The following DTNB variants were observed in gnomAD, a reference collection of about 807,000 sequenced individuals.
DTNB encodes DTN-B.
A neutral mutation model predicts 90.7 loss-of-function variants in DTNB; 63 were observed. The observed-to-expected ratio is 0.69, with a 90% CI of 0.57 to 0.86. The LOEUF is 0.86. DTNB is among the 40% of genes least tolerant of loss of function. The pLI, the probability that DTNB is intolerant of heterozygous loss-of-function variation, is 0.00. For missense variants in DTNB, 744 were observed against 807.1 expected (o/e 0.92, Z 0.95); for synonymous variants, 277 against 286.7 (o/e 0.97, Z 0.34).
At chr2:25,414,088 G>T (rs534185207) in intron 16 of DTNB, among the ~76,000 whole-genome samples, 1 of 152,200 alleles carries the variant, frequency 6.6e-6, no homozygotes, top group African/African-American at 2.4e-5. Context: ...CTTTAGAGAA[G>T]TGTCTGTTCA....
Position 25,419,446 on chromosome 2 carries a change from ATTT to A in DTNB, c.1575+66_1575+68del, listed in dbSNP as rs931433811. ...GATGTGCGGGGAGAAGAGGAGAAAC[ATTT>A]ATATGAGGAAAGGAAGAACGTGCAA... On this transcript the variant is annotated intron_variant, in intron 16 of 20. Transcript: ENST00000406818. 27 of 1,551,314 alleles carry A rather than the reference ATTT, an allele frequency of 1.7e-5. No individual in the cohort carries two copies. In the African/African-American group the frequency reaches 3.0e-4, roughly 17 times the overall value.
At chr2:25,435,217 C>T (rs969044604) in intron 12 of DTNB, among the ~76,000 whole-genome samples, 3 of 152,174 alleles carry the variant, frequency 2.0e-5, no homozygotes, top group African/African-American at 7.2e-5. Context: ...GACAGGGTTT[C>T]ACCATATTGG....
At chr2:25,671,413 T>A (rs1447304322) in intron 1 of DTNB, among the ~76,000 whole-genome samples, 1 of 152,196 alleles carries the variant, frequency 6.6e-6, no homozygotes, top group Non-Finnish European at 1.5e-5. Context: ...GAGCCTGGAA[T>A]AAGGCACCCA....
chr2:25,385,167 T>C (rs988750675), intron 18 of DTNB, among the ~76,000 whole-genome samples: 2 of 152,214 alleles, frequency 1.3e-5, no homozygotes, highest in African/African-American at 4.8e-5. Flanking sequence ...TGTGAGCCAC[T>C]GTGCCTGTGG....
intron 10 of DTNB, among the ~76,000 whole-genome samples, chr2:25,482,200 C>G (rs1172480757): frequency 6.6e-6 from 1 of 152,094 alleles, no homozygotes; most frequent in Non-Finnish European, 1.5e-5. Flanking sequence ...CTTTTAAGTC[C>G]TGCCTGAGAG....
In DTNB at chr2:25,586,817, A is replaced by G. The variant is rs531881550; in HGVS notation, c.604-5991T>C. Among the ~76,000 whole-genome samples, 7 of 152,374 alleles carry G rather than the reference A, an allele frequency of 4.6e-5. No individual in the cohort carries two copies. The East Asian group carries it at 1.2e-3, about 25-fold the overall frequency. ...TGGCATTTCAGTGAGAACTAAGAAT[A>G]TAAACAAAGACAAAAAGTTTGACTG... On this transcript the variant is annotated intron_variant, in intron 6 of 20. Coordinates refer to ENST00000406818, the MANE Select transcript of DTNB (RefSeq NM_021907.5).
intron 8 of DTNB, among the ~76,000 whole-genome samples, chr2:25,559,536 CG>C (rs1260585933): frequency 6.6e-6 from 1 of 152,180 alleles, no homozygotes; most frequent in Non-Finnish European, 1.5e-5. Context: ...CCCTCCTTCG[CG>C]GAGTCCAACA....
At chr2:25,413,702 C>T (rs1417532634) in intron 16 of DTNB, among the ~76,000 whole-genome samples, 1 of 152,000 alleles carries the variant, frequency 6.6e-6, no homozygotes, top group Non-Finnish European at 1.5e-5. Context: ...GGGTTGGTTC[C>T]AAGTCTTTGC....
chr2:25,618,348 T>G (rs2071399020), intron 4 of DTNB, among the ~76,000 whole-genome samples: 1 of 152,206 alleles, frequency 6.6e-6, no homozygotes, highest in Non-Finnish European at 1.5e-5. Context: ...GAACTCATTC[T>G]TGATCCTTCC....
chr2:25,516,233 A>G (rs2075087755), intron 9 of DTNB, among the ~76,000 whole-genome samples: 1 of 152,012 alleles, frequency 6.6e-6, no homozygotes, highest in Admixed American at 6.6e-5. Context: ...GGGACTGTAA[A>G]ATAGTCCTGT....
intron 1 of DTNB, among the ~76,000 whole-genome samples, chr2:25,657,043 G>A (rs886930039): frequency 4.6e-5 from 7 of 152,154 alleles, no homozygotes; most frequent in Admixed American, 2.6e-4. Context: ...GGGTGTGGTG[G>A]TGCATGCCTG....
chr2:25,475,389 A>G (rs987415362), intron 10 of DTNB, among the ~76,000 whole-genome samples: 2 of 152,338 alleles, frequency 1.3e-5, no homozygotes, highest in African/African-American at 2.4e-5. Context: ...ACTCTCTTCA[A>G]TTCTATGAAG....
intron 20 of DTNB, 109 bp downstream of exon 20, chr2:25,379,181 G>A: frequency 1.8e-6 from 2 of 1,125,980 alleles, no homozygotes; most frequent in Non-Finnish European, 2.3e-6. Flanking sequence ...ATCTTCACCT[G>A]TTAGGACTGC....
chr2:25,452,414 C>T (rs1321200598), intron 11 of DTNB, among the ~76,000 whole-genome samples: 1 of 152,208 alleles, frequency 6.6e-6, no homozygotes, highest in Admixed American at 6.5e-5. Flanking sequence ...CTTATCAAGA[C>T]AGTCCTAGAT....
At chr2:25,488,389 GA>G in intron 9 of DTNB, among the ~76,000 whole-genome samples, 1 of 152,254 alleles carries the variant, frequency 6.6e-6, no homozygotes, top group South Asian at 2.1e-4. Context: ...CACAGAGTAG[GA>G]AACAAGATCT....
intron 9 of DTNB, among the ~76,000 whole-genome samples, chr2:25,530,883 C>T (rs1037596948): frequency 1.3e-5 from 2 of 152,316 alleles, no homozygotes; most frequent in South Asian, 4.2e-4. Context: ...GAATCTTACC[C>T]TTCACTGTTT....
intron 1 of DTNB, among the ~76,000 whole-genome samples, chr2:25,665,816 A>G (rs2084302567): frequency 6.6e-6 from 1 of 152,044 alleles, no homozygotes; most frequent in Non-Finnish European, 1.5e-5. Flanking sequence ...AAATGTTCAT[A>G]AAACCTTAAA....
At chr2:25,409,673 C>A (rs1475467684) in intron 16 of DTNB, among the ~76,000 whole-genome samples, 2 of 152,168 alleles carry the variant, frequency 1.3e-5, no homozygotes, top group Non-Finnish European at 2.9e-5. Flanking sequence ...AATTCATGGG[C>A]TTCCTTGTCT....
At position 25,546,631 on chromosome 2, in the gene DTNB, T is replaced by C. The variant is rs2082482846; in HGVS notation, c.877-15034A>G. Among the ~76,000 whole-genome samples the C allele has an allele frequency of 2.6e-5, 4 of 152,352 alleles. No homozygotes were observed. The South Asian group carries it at 8.3e-4, about 32-fold the overall frequency. On this transcript the variant is annotated intron_variant, in intron 8 of 20. Transcript: ENST00000406818. ...TCCAGTATCCAATCTGATAGACCCC[T>C]GGAACACCACAGTGTTAGGTTTAAT...
Sources: allele counts gnomAD v4.1 joint callset (sites outside exome capture counted in the v4.1 genomes callset), GRCh38; gene constraint gnomAD v4.1.1; transcripts MANE v1.5; gene names NCBI Gene and HGNC (gene_info 2026-07-23, HGNC 2026-07-21).